Variants in OR3A2 observed in about 807,000 individuals in gnomAD.
OR3A2 encodes the protein olfactory receptor 3A2.
For missense variants in OR3A2, 318 were observed against 392.8 expected (o/e 0.81, Z 1.61); for synonymous variants, 126 against 159.3 (o/e 0.79, Z 1.57).
chr17:3,348,652 A>G (rs1045528050), intron 2 of OR3A2, among the ~76,000 whole-genome samples: 5 of 152,138 alleles, frequency 3.3e-5, no homozygotes, highest in African/African-American at 9.7e-5. Context: ...AAGGCAGGCC[A>G]ACATTCAGAT....
chr17:3,278,003 C>T lies in OR3A2; in HGVS notation c.915G>A (p.Trp305Ter). The T allele has an allele frequency of 3.7e-6, 6 of 1,602,156 alleles. No individual in the cohort carries two copies. The highest frequency in any genetic ancestry group is 5.1e-6 in the Non-Finnish European group (6 of 1,169,992). The change falls in exon 2 of 2, where the codon TGG becomes TGA. Residue 305 changes from tryptophan (W) to a stop codon, truncating the protein, a stop_gained. Transcript: ENST00000642052. LOFTEE classifies it low-confidence loss of function (END_TRUNC). ...GTGATCTCCTCCCCAAAAATATTTG[C>T]CACAGAGCACCCTGAACATCAGGGT...
chr17:3,301,265 A>C (rs370612436), intron 3 of OR3A2, among the ~76,000 whole-genome samples: 7 of 152,336 alleles, frequency 4.6e-5, no homozygotes, highest in East Asian at 3.9e-4. Flanking sequence ...AGGAATCGCC[A>C]CACTGTCTTC....
At chr17:3,371,194 C>T (rs906593405) in intron 2 of OR3A2, among the ~76,000 whole-genome samples, 11 of 151,906 alleles carry the variant, frequency 7.2e-5, no homozygotes, top group Non-Finnish European at 7.4e-5. Flanking sequence ...TAGGGGCGGC[C>T]GGGCAGAGGC....
intron 2 of OR3A2, among the ~76,000 whole-genome samples, chr17:3,338,626 C>T (rs1158268968): frequency 6.6e-6 from 1 of 152,070 alleles, no homozygotes; most frequent in Non-Finnish European, 1.5e-5. Flanking sequence ...TTCCATTGGT[C>T]CATATCTTTG....
intron 1 of OR3A2, among the ~76,000 whole-genome samples, chr17:3,280,541 G>A (rs992897791): frequency 2.6e-5 from 4 of 152,162 alleles, no homozygotes; most frequent in African/African-American, 4.8e-5. Context: ...CAAAGTGCTG[G>A]GATTACAGGC....
chr17:3,320,750 G>A (rs531879049), intron 3 of OR3A2, among the ~76,000 whole-genome samples: 1 of 152,036 alleles, frequency 6.6e-6, no homozygotes, highest in Non-Finnish European at 1.5e-5. Context: ...CTCTGTTTTG[G>A]TACTAGTACC....
chr17:3,344,971 A>G (rs1048382934), intron 2 of OR3A2, among the ~76,000 whole-genome samples: 1 of 152,210 alleles, frequency 6.6e-6, no homozygotes, highest in Admixed American at 6.5e-5. Flanking sequence ...TCCATCTCTT[A>G]GAACTGCTTT....
chr17:3,303,283 T>TTATC (rs2048978508), intron 3 of OR3A2, among the ~76,000 whole-genome samples: 1 of 152,176 alleles, frequency 6.6e-6, no homozygotes, highest in Non-Finnish European at 1.5e-5. Flanking sequence ...CTTAAATAAG[T>TTATC]TGAAAGAACT....
intron 3 of OR3A2, among the ~76,000 whole-genome samples, chr17:3,323,081 T>C (rs994517325): frequency 6.6e-6 from 1 of 152,184 alleles, no homozygotes; most frequent in African/African-American, 2.4e-5. Flanking sequence ...ATATTTAGGA[T>C]AGTTAGCTCT....
intron 2 of OR3A2, among the ~76,000 whole-genome samples, chr17:3,336,606 T>C (rs2049276159): frequency 6.6e-6 from 1 of 152,214 alleles, no homozygotes; most frequent in Non-Finnish European, 1.5e-5. Flanking sequence ...ATTGAAAATC[T>C]ACTTCATGCT....
rs185607493 is a variant in OR3A2, at chr17:3,338,020, G to A, written c.-178-1894C>T. On this transcript the variant is annotated intron_variant, in intron 2 of 4. Coordinates refer to the OR3A2 transcript ENST00000573491. Reference sequence around the variant, plus strand: ...TGGTTTTGATTTGCATTTCTCTGATGGCCAGTGATGATGAACATTTTTTCA... The same window carrying A: ...TGGTTTTGATTTGCATTTCTCTGATAGCCAGTGATGATGAACATTTTTTCA... Among the ~76,000 whole-genome samples the A allele has an allele frequency of 3.0e-3, 460 of 152,278 alleles. 1 individual carries two copies. The highest frequency in any genetic ancestry group is 5.3e-3 in the Non-Finnish European group (360 of 68,016).
exon 2 of OR3A2, chr17:3,278,468 C>T (rs376258033): frequency 4.1e-5 from 66 of 1,614,048 alleles, no homozygotes; most frequent in African/African-American, 1.2e-4. Flanking sequence ...AAGCCAAGGA[C>T]GCAGCCACCA....
intron 3 of OR3A2, among the ~76,000 whole-genome samples, chr17:3,297,557 G>T (rs138933169): frequency 6.7e-6 from 1 of 150,104 alleles, no homozygotes; most frequent in Non-Finnish European, 1.5e-5. Flanking sequence ...TAAACTCTGC[G>T]GCACTTTAAT....
chr17:3,314,224 T>G (rs190395954), intron 3 of OR3A2, among the ~76,000 whole-genome samples: 1 of 152,136 alleles, frequency 6.6e-6, no homozygotes, highest in Non-Finnish European at 1.5e-5. Flanking sequence ...ACACTATAGG[T>G]TGGGAAATCC....
chr17:3,305,152 A>T (rs182477123), intron 3 of OR3A2, among the ~76,000 whole-genome samples: 3 of 152,386 alleles, frequency 2.0e-5, no homozygotes, highest in Admixed American at 6.5e-5. Context: ...AACAACAGAC[A>T]TAAACATATT....
chr17:3,365,399 CTCA>C (rs1021054454), intron 2 of OR3A2, among the ~76,000 whole-genome samples: 1 of 152,170 alleles, frequency 6.6e-6, no homozygotes, highest in Non-Finnish European at 1.5e-5. Context: ...GACAAATGGT[CTCA>C]TGAGTGGATG....
At chr17:3,333,888 G>T (rs982534370) in intron 3 of OR3A2, among the ~76,000 whole-genome samples, 3 of 151,750 alleles carry the variant, frequency 2.0e-5, no homozygotes, top group African/African-American at 7.3e-5. Flanking sequence ...AGTCTACAAG[G>T]AACTTAAACA....
chr17:3,336,696 G>A (rs1012715355), intron 2 of OR3A2, among the ~76,000 whole-genome samples: 1 of 152,122 alleles, frequency 6.6e-6, no homozygotes, highest in Non-Finnish European at 1.5e-5. Flanking sequence ...TGGGTTGCCA[G>A]ACACCATACT....
chr17:3,281,453 G>C (rs804233), intron 1 of OR3A2, among the ~76,000 whole-genome samples: 113,203 of 151,706 alleles, frequency 0.75, 42,695 homozygotes, highest in East Asian at 1. Context: ...CCAGGATGGT[G>C]TCGATCTCTT....
Sources: gnomAD v4.1 joint callset for allele counts (sites outside exome capture counted in the v4.1 genomes callset) on GRCh38, gnomAD v4.1.1 for gene constraint, MANE v1.5 for transcripts, NCBI Gene and HGNC (gene_info 2026-07-23, HGNC 2026-07-21) for gene names.